DLG2: variants seen among roughly 807,000 people sequenced by gnomAD.
DLG2 encodes the protein discs large MAGUK scaffold protein 2.
DLG2 carries 45 observed loss-of-function variants against 132.5 expected under a neutral mutation model. The observed-to-expected ratio is 0.34, with a 90% CI of 0.27 to 0.44. DLG2 has a LOEUF of 0.44. Ranked by LOEUF, DLG2 falls within the 20% of genes least tolerant of loss-of-function variation. DLG2 has a pLI of 1.00. For synonymous variants in DLG2, 424 were observed against 419.6 expected (o/e 1.01, Z -0.13); for missense variants, 1,045 against 1,196.9 (o/e 0.87, Z 1.87).
chr11:85,378,860 G>A (rs1254473085), intron 3 of DLG2, among the ~76,000 whole-genome samples: 1 of 152,072 alleles, frequency 6.6e-6, no homozygotes, highest in East Asian at 1.9e-4. Context: ...ATCTTTCCAT[G>A]TACCTACTAT....
At chr11:84,464,074 T>G (rs2099087571) in intron 7 of DLG2, among the ~76,000 whole-genome samples, 1 of 151,212 alleles carries the variant, frequency 6.6e-6, no homozygotes, top group Non-Finnish European at 1.5e-5. Context: ...TTGCAATGAG[T>G]TGGTCATACA....
chr11:83,667,681 C>A (rs1016621905), intron 18 of DLG2, among the ~76,000 whole-genome samples: 1 of 152,148 alleles, frequency 6.6e-6, no homozygotes, highest in East Asian at 1.9e-4. Flanking sequence ...TAATCATGTA[C>A]AGAAATTAAA....
intron 6 of DLG2, among the ~76,000 whole-genome samples, chr11:84,962,403 G>A (rs1262991157): frequency 6.6e-6 from 1 of 152,006 alleles, no homozygotes; most frequent in East Asian, 1.9e-4. Flanking sequence ...TTATTAGGTG[G>A]GTAACCATAT....
chr11:84,464,614 G>T (rs2099089191), intron 7 of DLG2, among the ~76,000 whole-genome samples: 1 of 150,924 alleles, frequency 6.6e-6, no homozygotes, highest in East Asian at 2.0e-4. Context: ...TTATGAGTTT[G>T]CCTGCATCAA....
chr11:83,662,954 C>T, intron 18 of DLG2, among the ~76,000 whole-genome samples: 1 of 152,280 alleles, frequency 6.6e-6, no homozygotes, highest in Admixed American at 6.5e-5. Context: ...AGGGCTGGAA[C>T]AAACTGTGGC....
intron 6 of DLG2, among the ~76,000 whole-genome samples, chr11:84,646,521 C>G (rs2099675151): frequency 6.6e-6 from 1 of 152,070 alleles, no homozygotes; most frequent in Non-Finnish European, 1.5e-5. Context: ...CTGCAGACTT[C>G]TCATCACCCA....
intron 8 of DLG2, among the ~76,000 whole-genome samples, chr11:84,201,883 G>A (rs987416421): frequency 4.3e-5 from 6 of 139,406 alleles, no homozygotes; most frequent in African/African-American, 1.7e-4. Flanking sequence ...TTATGGTGGG[G>A]TTTCGGCTCA....
intron 4 of DLG2, among the ~76,000 whole-genome samples, chr11:85,273,072 T>A (rs1014426777): frequency 6.6e-6 from 1 of 152,154 alleles, no homozygotes; most frequent in Non-Finnish European, 1.5e-5. Flanking sequence ...TGAAACTGGA[T>A]CCCTTCCTTA....
intron 6 of DLG2, among the ~76,000 whole-genome samples, chr11:84,542,487 C>A (rs150413211): frequency 6.6e-6 from 1 of 152,228 alleles, no homozygotes; most frequent in Non-Finnish European, 1.5e-5. Context: ...AGAACCCTGA[C>A]ATGTATCTTT....
intron 2 of DLG2, among the ~76,000 whole-genome samples, chr11:85,622,074 G>A (rs908186949): frequency 2.0e-5 from 3 of 152,166 alleles, no homozygotes; most frequent in African/African-American, 7.2e-5. Context: ...CATCAACAAC[G>A]AAGCAAGATC....
intron 17 of DLG2, among the ~76,000 whole-genome samples, chr11:83,826,456 T>C (rs2052816257): frequency 6.6e-6 from 1 of 152,162 alleles, no homozygotes; most frequent in South Asian, 2.1e-4. Context: ...CTAAATGGGC[T>C]CTACAATTAA....
At chr11:83,812,993 C>T (rs1483624024) in intron 17 of DLG2, among the ~76,000 whole-genome samples, 3 of 152,158 alleles carry the variant, frequency 2.0e-5, no homozygotes. Flanking sequence ...TTGTGTCAGG[C>T]ACCATGATGG....
At chr11:83,760,831 A>C (rs780119108) in intron 18 of DLG2, among the ~76,000 whole-genome samples, 2 of 152,144 alleles carry the variant, frequency 1.3e-5, no homozygotes, top group Non-Finnish European at 2.9e-5. Context: ...GCAGCTTACT[A>C]ACTCCTCCTT....
chr11:84,430,796 C>T (rs927731015), intron 7 of DLG2, among the ~76,000 whole-genome samples: 1 of 152,198 alleles, frequency 6.6e-6, no homozygotes, highest in Non-Finnish European at 1.5e-5. Flanking sequence ...GATTCACCTT[C>T]CAGGTGACAG....
At chr11:83,863,426 G>A (rs1029300302) in intron 16 of DLG2, among the ~76,000 whole-genome samples, 1 of 152,040 alleles carries the variant, frequency 6.6e-6, no homozygotes, top group South Asian at 2.1e-4. Flanking sequence ...ATTACTGATT[G>A]TATCTCCTCA....
At chr11:83,852,561 T>G (rs980658692) in intron 16 of DLG2, among the ~76,000 whole-genome samples, 4 of 152,224 alleles carry the variant, frequency 2.6e-5, no homozygotes, top group Non-Finnish European at 5.9e-5. Context: ...TGAAATTCAT[T>G]TTCAAAGATA....
chr11:84,078,470 G>T (rs779758304), intron 10 of DLG2, among the ~76,000 whole-genome samples: 1 of 152,166 alleles, frequency 6.6e-6, no homozygotes, highest in Non-Finnish European at 1.5e-5. Context: ...CAGTATTTCA[G>T]ATTGTTTCTT....
At chr11:85,095,132 C>A (rs948851702) in intron 6 of DLG2, among the ~76,000 whole-genome samples, 1 of 151,928 alleles carries the variant, frequency 6.6e-6, no homozygotes, top group Non-Finnish European at 1.5e-5. Context: ...TTTATGACAC[C>A]CCAAACCAAC....
chr11:84,247,602 A>T (rs2097319218), intron 8 of DLG2, among the ~76,000 whole-genome samples: 1 of 152,156 alleles, frequency 6.6e-6, no homozygotes, highest in Non-Finnish European at 1.5e-5. Flanking sequence ...CTCATATAAG[A>T]CAGAGCTTAC....
Sources: allele counts gnomAD v4.1 joint callset (sites outside exome capture counted in the v4.1 genomes callset), GRCh38; gene constraint gnomAD v4.1.1; transcripts MANE v1.5; gene names NCBI Gene and HGNC (gene_info 2026-07-23, HGNC 2026-07-21).